Variants in IGF2BP3 observed in about 807,000 individuals in gnomAD.
The protein encoded by IGF2BP3 is insulin-like growth factor 2 mRNA-binding protein 3.
Under a neutral mutation model 73.8 loss-of-function variants are expected in IGF2BP3, and 9 were observed. The observed-to-expected ratio is 0.12, with a 90% CI of 0.07 to 0.21. IGF2BP3 has a LOEUF of 0.21. IGF2BP3 is among the 10% of genes least tolerant of loss of function. The probability of loss-of-function intolerance (pLI) is 1.00; values close to 1 mark genes in which losing one functional copy is unlikely to be tolerated. For synonymous variants in IGF2BP3, 258 were observed against 256.7 expected, an observed-to-expected ratio of 1.01 and a Z score of -0.05; for missense variants, 542 against 714.0, an observed-to-expected ratio of 0.76 and a Z score of 2.75.
At chr7:23,438,957 G>A (rs983563099) in intron 2 of IGF2BP3, among the ~76,000 whole-genome samples, 7 of 152,164 alleles carry the variant, frequency 4.6e-5, no homozygotes, top group Non-Finnish European at 1.0e-4. Context: ...AAAGTTACAT[G>A]TTTATAGGCC....
At chr7:23,387,316 A>C (rs274030) in intron 3 of IGF2BP3, among the ~76,000 whole-genome samples, 17,962 of 152,190 alleles carry the variant, frequency 0.12, 2,321 homozygotes, top group African/African-American at 0.32. Context: ...AACTGTCCAG[A>C]TCATCAATAA....
intron 3 of IGF2BP3, among the ~76,000 whole-genome samples, chr7:23,399,652 CTAA>C: frequency 6.6e-6 from 1 of 152,238 alleles, no homozygotes; most frequent in South Asian, 2.1e-4. Context: ...GCATAGGAAA[CTAA>C]TATACCTATT....
intron 2 of IGF2BP3, among the ~76,000 whole-genome samples, chr7:23,447,041 A>G (rs977306892): frequency 2.0e-5 from 3 of 152,030 alleles, no homozygotes; most frequent in African/African-American, 7.2e-5. Context: ...CATCTCTACT[A>G]AAAATACAAA....
intron 10 of IGF2BP3, among the ~76,000 whole-genome samples, chr7:23,334,282 C>T (rs1300486392): frequency 6.6e-6 from 1 of 152,138 alleles, no homozygotes; most frequent in African/African-American, 2.4e-5. Context: ...GAGCCAAGAT[C>T]ATGACACTGC....
At chr7:23,391,306 G>A (rs557483556) in intron 3 of IGF2BP3, among the ~76,000 whole-genome samples, 64 of 151,746 alleles carry the variant, frequency 4.2e-4, no homozygotes, top group Non-Finnish European at 7.8e-4. Flanking sequence ...AGCCACATTC[G>A]CCAGGCTGGT....
intron 2 of IGF2BP3, among the ~76,000 whole-genome samples, chr7:23,458,424 A>G (rs959710173): frequency 1.3e-5 from 2 of 151,892 alleles, no homozygotes; most frequent in African/African-American, 4.8e-5. Context: ...CACATTCAAG[A>G]CATTTTTTTC....
intron 6 of IGF2BP3, among the ~76,000 whole-genome samples, chr7:23,349,838 T>C (rs956867614): frequency 3.3e-5 from 5 of 152,200 alleles, no homozygotes; most frequent in African/African-American, 1.2e-4. Context: ...AAAGGAACAA[T>C]TCTAATCTGC....
chr7:23,414,662 G>C (rs1182264417), intron 3 of IGF2BP3: 2 of 152,910 alleles, frequency 1.3e-5, no homozygotes, highest in Non-Finnish European at 2.9e-5. Flanking sequence ...TCTCAGCTTT[G>C]TGATGCCAGG....
At chr7:23,367,528 A>G (rs1770016576) in intron 3 of IGF2BP3, among the ~76,000 whole-genome samples, 1 of 151,940 alleles carries the variant, frequency 6.6e-6, no homozygotes, top group Non-Finnish European at 1.5e-5. Flanking sequence ...CCTAAATAAA[A>G]TCTTAAACCA....
At chr7:23,391,305 C>T (rs274022) in intron 3 of IGF2BP3, among the ~76,000 whole-genome samples, 43,733 of 151,354 alleles carry the variant, frequency 0.29, 6,978 homozygotes, top group East Asian at 0.71. Context: ...TAGCCACATT[C>T]GCCAGGCTGG....
chr7:23,325,982 T>C (rs1188619823), intron 10 of IGF2BP3, among the ~76,000 whole-genome samples: 2 of 151,212 alleles, frequency 1.3e-5, no homozygotes, highest in Non-Finnish European at 3.0e-5. Flanking sequence ...ACCCTAGGCA[T>C]TACCATTCAG....
At chr7:23,327,425 C>T (rs947785937) in intron 10 of IGF2BP3, among the ~76,000 whole-genome samples, 5 of 151,912 alleles carry the variant, frequency 3.3e-5, no homozygotes, top group East Asian at 3.9e-4. Context: ...GGACTACAGG[C>T]GCCCACCATC....
intron 3 of IGF2BP3, among the ~76,000 whole-genome samples, chr7:23,410,154 G>A (rs1489605998): frequency 6.6e-6 from 1 of 151,886 alleles, no homozygotes; most frequent in East Asian, 1.9e-4. Context: ...GGGTGACAGA[G>A]CGACACTCCA....
Position 23,321,240 on chromosome 7 carries a change from C to T in IGF2BP3, c.1204-1986G>A, listed in dbSNP as rs532371836. Reference sequence around the variant, plus strand: ...GCACCATGGGTGAGCCGAAGCAGGGCGAGGCATTGCCTCACTCGGGAAGCG... The same window carrying T: ...GCACCATGGGTGAGCCGAAGCAGGGTGAGGCATTGCCTCACTCGGGAAGCG... On this transcript the variant is annotated intron_variant, in intron 10 of 14. Transcript: ENST00000258729. Among the ~76,000 whole-genome samples the T allele has an allele frequency of 1.3e-4, 20 of 152,144 alleles. 1 individual carries two copies. Among genetic ancestry groups the T allele is most frequent in the Admixed American group, 1.0e-3 (16 of 15,280 alleles).
intron 2 of IGF2BP3, among the ~76,000 whole-genome samples, chr7:23,441,303 G>A (rs765359943): frequency 6.4e-4 from 98 of 152,134 alleles, no homozygotes; most frequent in Admixed American, 1.8e-3. Flanking sequence ...GACCAGGCAC[G>A]GTGGTTCACA....
At chr7:23,380,495 G>C (rs190877604) in intron 3 of IGF2BP3, among the ~76,000 whole-genome samples, 2 of 152,064 alleles carry the variant, frequency 1.3e-5, no homozygotes, top group Non-Finnish European at 2.9e-5. Context: ...CCGATGAGTG[G>C]CATCCATGCA....
At chr7:23,412,763 T>C (rs1307765425) in intron 3 of IGF2BP3, among the ~76,000 whole-genome samples, 1 of 152,102 alleles carries the variant, frequency 6.6e-6, no homozygotes, top group East Asian at 1.9e-4. Context: ...ATTAGGAGTT[T>C]TGATTCTTTT....
intron 10 of IGF2BP3, among the ~76,000 whole-genome samples, chr7:23,321,995 A>C (rs897212296): frequency 3.3e-5 from 5 of 152,208 alleles, no homozygotes; most frequent in African/African-American, 1.2e-4. Flanking sequence ...AAAAAACTGG[A>C]AACTCTTAAA....
Position 23,311,533 on chromosome 7 carries a change from C to G in IGF2BP3, c.*829G>C, listed in dbSNP as rs1783829366. ...TGAAAGAATAAATGGTAGTGCTGCT[C>G]TCCAGATACTAGGCACTGCTCCGTA... is the stretch of plus-strand genomic sequence containing the variant. On this transcript the variant is annotated 3_prime_UTR_variant, in exon 15 of 15. Transcript: ENST00000258729. 1 of 152,324 alleles carries G rather than the reference C, an allele frequency of 6.6e-6. No homozygotes were observed. The allele number at this position is 152,324 out of a possible 1,614,324, so 9.4% of individuals were successfully genotyped here. A position where few individuals can be genotyped will look rare whatever the true frequency, so the allele number is the denominator to read the frequency against.
Sources: gnomAD v4.1 joint callset for allele counts (sites outside exome capture counted in the v4.1 genomes callset) on GRCh38, gnomAD v4.1.1 for gene constraint, MANE v1.5 for transcripts, NCBI Gene and HGNC (gene_info 2026-07-23, HGNC 2026-07-21) for gene names.